Variants in MEIS2 observed in about 807,000 individuals in gnomAD.
MEIS2 encodes Meis homeobox 2, also known as homeobox protein Meis2.
Under a neutral mutation model 58.6 loss-of-function variants are expected in MEIS2, and 9 were observed. That is an observed-to-expected ratio of 0.15 (90% CI 0.09 to 0.27). The LOEUF is 0.27. Among genes scored for constraint, MEIS2 ranks in the 10% least tolerant of loss-of-function variants. The pLI is 1.00. For synonymous variants in MEIS2, 221 were observed against 228.4 expected (o/e 0.97, Z 0.29); for missense variants, 427 against 635.0 (o/e 0.67, Z 3.52).
chr15:37,031,421 A>ATGTGTGTG (rs60605081), intron 8 of MEIS2, among the ~76,000 whole-genome samples: 48,133 of 146,610 alleles, frequency 0.33, 8,389 homozygotes, highest in Admixed American at 0.45. Flanking sequence ...TCCCTTGCAT[A>ATGTGTGTG]TGTGTGTGTG....
intron 8 of MEIS2, among the ~76,000 whole-genome samples, chr15:37,024,405 G>A (rs964633882): frequency 6.6e-6 from 1 of 152,158 alleles, no homozygotes; most frequent in African/African-American, 2.4e-5. Context: ...CAGTGCCATG[G>A]TTTCAAGTAT....
At chr15:37,092,265 T>C (rs769782785) in intron 6 of MEIS2, among the ~76,000 whole-genome samples, 3 of 152,220 alleles carry the variant, frequency 2.0e-5, no homozygotes, top group Non-Finnish European at 4.4e-5. Context: ...TGGCTTCCCA[T>C]ACAAGTGCAA....
chr15:37,043,583 T>C (rs971973438), intron 7 of MEIS2, among the ~76,000 whole-genome samples: 3 of 152,130 alleles, frequency 2.0e-5, no homozygotes, highest in African/African-American at 7.2e-5. Flanking sequence ...TGTTTTTGCC[T>C]ATAGTCGGAT....
At chr15:37,060,547 G>A (rs769382803) in intron 7 of MEIS2, among the ~76,000 whole-genome samples, 45 of 152,020 alleles carry the variant, frequency 3.0e-4, no homozygotes, top group South Asian at 2.1e-4. Context: ...TGCTCTATAC[G>A]TTTCATGGGG....
At chr15:36,925,199 A>G (rs1490410690) in intron 9 of MEIS2, among the ~76,000 whole-genome samples, 1 of 152,258 alleles carries the variant, frequency 6.6e-6, no homozygotes, top group African/African-American at 2.4e-5. Context: ...GGAGAAAAAA[A>G]GAGAAAGTCC....
At chr15:36,916,102 TTTC>T (rs745576505) in intron 9 of MEIS2, among the ~76,000 whole-genome samples, 121 of 152,198 alleles carry the variant, frequency 8.0e-4, no homozygotes, top group Non-Finnish European at 1.3e-3. Flanking sequence ...GAAGTTTCCT[TTTC>T]TTCTTCTTCT....
chr15:36,988,080 T>C (rs376730231), intron 8 of MEIS2, among the ~76,000 whole-genome samples: 2 of 152,272 alleles, frequency 1.3e-5, no homozygotes, highest in Middle Eastern at 6.8e-3. Flanking sequence ...TCATGTTGGA[T>C]TGTATACTGG....
chr15:36,967,555 T>C (rs888439854), intron 8 of MEIS2, among the ~76,000 whole-genome samples: 2 of 152,192 alleles, frequency 1.3e-5, no homozygotes, highest in Non-Finnish European at 2.9e-5. Flanking sequence ...AAATGGATCA[T>C]TCATACACTT....
chr15:37,080,234 G>T (rs1892019046), intron 7 of MEIS2, among the ~76,000 whole-genome samples: 1 of 151,884 alleles, frequency 6.6e-6, no homozygotes, highest in Non-Finnish European at 1.5e-5. Flanking sequence ...CCATACCATT[G>T]TTCAAACCAG....
At chr15:36,945,088 T>C (rs1384176858) in intron 9 of MEIS2, among the ~76,000 whole-genome samples, 1 of 152,082 alleles carries the variant, frequency 6.6e-6, no homozygotes, top group Non-Finnish European at 1.5e-5. Flanking sequence ...AAATGACTTT[T>C]CTTTGCTGTA....
intron 2 of MEIS2, 91 bp downstream of exon 2, chr15:37,097,876 C>T: frequency 6.8e-7 from 1 of 1,466,824 alleles, no homozygotes; most frequent in African/African-American, 1.4e-5. Flanking sequence ...AAGTAACTCC[C>T]CACTTAGTCG....
intron 8 of MEIS2, among the ~76,000 whole-genome samples, chr15:37,035,355 G>A (rs775331002): frequency 1.3e-5 from 2 of 152,200 alleles, no homozygotes; most frequent in Admixed American, 1.3e-4. Flanking sequence ...ACATGGCAAG[G>A]TTCAGGGCTT....
intron 10 of MEIS2, 83 bp downstream of exon 10, chr15:36,896,545 A>G: frequency 9.4e-7 from 1 of 1,068,800 alleles, no homozygotes; most frequent in Non-Finnish European, 1.3e-6. Context: ...GCACTTATTT[A>G]TCAGATGAGG....
chr15:37,095,522 G>A, intron 4 of MEIS2, 42 bp downstream of exon 4: 1 of 1,614,002 alleles, frequency 6.2e-7, no homozygotes. Flanking sequence ...GGGCATGGGA[G>A]AGGGCAAAGG....
rs200799360 is a variant in MEIS2 at position 37,098,110 on chromosome 15, G to C, written c.102C>G (p.Pro34=). 1.2e-6 allele frequency: 2 copies of C among 1,613,646 alleles called. No homozygotes were observed. The highest frequency in any genetic ancestry group is 1.7e-6 in the Non-Finnish European group (2 of 1,179,952). ...GCCCGTGGTTCAGGTGGTGAACCGG[G>C]GGGATCGGCCGCGGCGCGTGAGGGT... The part of the protein sequence containing the change: ...YGDPHAPRPI[P]PVHHLNHGPP... The change falls in exon 2 of 12, where the codon CCC becomes CCG. Residue 34 remains proline, a synonymous_variant. Transcript: ENST00000561208.
In MEIS2 at chr15:36,923,162, G is replaced by C. The variant is rs1468512624; in HGVS notation, c.978-26476C>G. On this transcript the variant is annotated intron_variant, in intron 9 of 11. Transcript: ENST00000561208. ...ATACAAAATGCGCTTAATTTCTGGA[G>C]GGCACAAAAGGTACTTGCAATGTCA... Among the ~76,000 whole-genome samples, 5 of 152,236 alleles carry C rather than the reference G, an allele frequency of 3.3e-5. 1 individual carries two copies. The East Asian group carries it at 9.7e-4, about 29-fold the overall frequency.
At chr15:36,893,920 A>AT (rs1326661499) in intron 11 of MEIS2, among the ~76,000 whole-genome samples, 3 of 152,134 alleles carry the variant, frequency 2.0e-5, no homozygotes, top group Non-Finnish European at 4.4e-5. Context: ...TGTTATATGA[A>AT]TTTTTTTATG....
intron 9 of MEIS2, among the ~76,000 whole-genome samples, chr15:36,916,586 C>G (rs1457909485): frequency 2.0e-5 from 3 of 151,890 alleles, no homozygotes. Context: ...TGTGCACCAC[C>G]ACACCTGGCT....
chr15:36,957,081 T>C (rs543715364), intron 8 of MEIS2, among the ~76,000 whole-genome samples: 13 of 152,300 alleles, frequency 8.5e-5, no homozygotes, highest in African/African-American at 2.9e-4. Flanking sequence ...AATAGATTTT[T>C]TAAATCATAA....
Sources: allele counts gnomAD v4.1 joint callset (sites outside exome capture counted in the v4.1 genomes callset), GRCh38; gene constraint gnomAD v4.1.1; transcripts MANE v1.5; gene names NCBI Gene and HGNC (gene_info 2026-07-23, HGNC 2026-07-21).